FBXL2: variants seen among roughly 807,000 people sequenced by gnomAD.
FBXL2 encodes F-box/LRR-repeat protein 2.
FBXL2 carries 38 observed loss-of-function variants against 69.2 expected under a neutral mutation model. The ratio of observed to expected loss-of-function variants is 0.55; its 90% CI spans 0.42 to 0.72. FBXL2 has a LOEUF of 0.72. Ranked by LOEUF, FBXL2 falls within the 30% of genes least tolerant of loss-of-function variation. The pLI is 0.00. For missense variants in FBXL2, 354 were observed against 520.3 expected (o/e 0.68, Z 3.11); for synonymous variants, 192 against 201.3 (o/e 0.95, Z 0.39).
intron 1 of FBXL2, among the ~76,000 whole-genome samples, chr3:33,291,112 G>A (rs1017864661): frequency 1.3e-5 from 2 of 152,004 alleles, no homozygotes; most frequent in Non-Finnish European, 2.9e-5. Flanking sequence ...TAAATTTTCT[G>A]TAGAGACAGT....
At chr3:33,411,529 C>T in the FBXL2 span, 22 of 1,488,490 alleles carry the variant, frequency 1.5e-5, no homozygotes, top group Middle Eastern at 3.4e-4. Flanking sequence ...TCAATCCTAC[C>T]ATGACCTAAA....
intron 12 of FBXL2, chr3:33,396,280 C>T (rs761628063): frequency 6.4e-7 from 1 of 1,571,988 alleles, no homozygotes; most frequent in South Asian, 1.1e-5. Context: ...GTCTAACCGA[C>T]CTGCAATCAG....
At position 33,386,119 on chromosome 3, in the gene FBXL2, C is replaced by T. The variant is rs1293256250; in HGVS notation, c.*511C>T. On this transcript the variant is annotated 3_prime_UTR_variant, in exon 15 of 15. Coordinates refer to ENST00000484457, the MANE Select transcript of FBXL2 (RefSeq NM_012157.5). ...CTGTACTGCAAATTAATTCATAATG[C>T]CTGATAGTTTTATATATAGAGACTT... The T allele has an allele frequency of 6.0e-6, 1 of 167,070 alleles. No homozygotes were observed. The highest frequency in any genetic ancestry group is 1.3e-5 in the Non-Finnish European group (1 of 75,450). 10.3% of individuals were successfully genotyped at this position (167,070 alleles called of 1,614,324 possible). A position where few individuals can be genotyped will look rare whatever the true frequency, so the allele number is the denominator to read the frequency against.
At chr3:33,341,878 T>C (rs912271324) in intron 2 of FBXL2, among the ~76,000 whole-genome samples, 5 of 149,166 alleles carry the variant, frequency 3.4e-5, no homozygotes, top group Non-Finnish European at 7.4e-5. Context: ...GCTCTGGGGC[T>C]CTGGGGTTGC....
At chr3:33,405,553 T>C (rs2044396634), downstream of FBXL2, among the ~76,000 whole-genome samples, 1 of 152,186 alleles carries the variant, frequency 6.6e-6, no homozygotes. Context: ...AGGCCAGGTA[T>C]GGTGGCTCAT....
rs35825309 is a variant in FBXL2, at chr3:33,360,919, T to C, written c.195+1562T>C. ...CTTTTTTGGAAAGCACATGAAGAAC[T>C]TTTTTTTTTTTTTTTTTTTTTTTTT... is the stretch of plus-strand genomic sequence containing the variant. On this transcript the variant is annotated intron_variant, in intron 4 of 14. Coordinates refer to ENST00000484457, the MANE Select transcript of FBXL2 (RefSeq NM_012157.5). 1.1e-4 allele frequency among the ~76,000 whole-genome samples: 5 copies of C among 44,144 alleles called. No individual in the cohort carries two copies. The South Asian group carries it at 4.0e-3, about 35-fold the overall frequency. The allele number at this position is 44,144 out of a possible 152,430, so 29.0% of individuals were successfully genotyped here. A position where few individuals can be genotyped will look rare whatever the true frequency, so the allele number is the denominator to read the frequency against.
At chr3:33,323,957 C>T (rs1172585319) in intron 2 of FBXL2, among the ~76,000 whole-genome samples, 1 of 152,212 alleles carries the variant, frequency 6.6e-6, no homozygotes, top group South Asian at 2.1e-4. Context: ...TCCACATCCT[C>T]TCCAGCATCT....
the FBXL2 span, among the ~76,000 whole-genome samples, chr3:33,411,172 T>A: frequency 6.6e-6 from 1 of 152,124 alleles, no homozygotes; most frequent in South Asian, 2.1e-4. Flanking sequence ...CAATTAGTCA[T>A]CATTATTATC....
intron 2 of FBXL2, among the ~76,000 whole-genome samples, chr3:33,309,671 A>G (rs1200836918): frequency 6.6e-6 from 1 of 152,176 alleles, no homozygotes; most frequent in Admixed American, 6.5e-5. Flanking sequence ...TAGTTATTTC[A>G]TAGATCCTTC....
upstream of FBXL2, chr3:33,277,381 G>C: frequency 4.0e-6 from 4 of 1,005,738 alleles, no homozygotes; most frequent in Non-Finnish European, 5.1e-6. Flanking sequence ...TCACGTGCTC[G>C]CCGACCACCA....
At chr3:33,365,234 C>G (rs1017286482) in intron 5 of FBXL2, among the ~76,000 whole-genome samples, 2 of 151,728 alleles carry the variant, frequency 1.3e-5, no homozygotes, top group Admixed American at 6.6e-5. Context: ...ATATCCTATA[C>G]AACCAAATAT....
the FBXL2 span, chr3:33,409,466 G>T: frequency 6.2e-7 from 1 of 1,614,112 alleles, no homozygotes; most frequent in Non-Finnish European, 8.5e-7. Context: ...ACTTTGATTT[G>T]GCAGCTAGCT....
intron 2 of FBXL2, among the ~76,000 whole-genome samples, chr3:33,299,536 G>A (rs1190369126): frequency 1.3e-5 from 2 of 152,146 alleles, no homozygotes; most frequent in Non-Finnish European, 2.9e-5. Context: ...CTTTGTAGAT[G>A]CCACAGATTA....
intron 2 of FBXL2, among the ~76,000 whole-genome samples, chr3:33,356,322 C>T (rs1339949131): frequency 6.6e-6 from 1 of 152,048 alleles, no homozygotes; most frequent in African/African-American, 2.4e-5. Context: ...GAAGTGATCC[C>T]GAGAATAAAG....
chr3:33,390,291 G>A, downstream of FBXL2: 3 of 1,591,400 alleles, frequency 1.9e-6, no homozygotes, highest in Non-Finnish European at 2.6e-6. Flanking sequence ...TTTTAAGCGT[G>A]ACTATTTGGT....
chr3:33,407,178 C>T (rs757713998), downstream of FBXL2, among the ~76,000 whole-genome samples: 1 of 152,190 alleles, frequency 6.6e-6, no homozygotes, highest in Admixed American at 6.5e-5. Flanking sequence ...AAATCAAATA[C>T]AGCCAGGGCA....
intron 1 of FBXL2, among the ~76,000 whole-genome samples, chr3:33,285,800 C>G (rs1196975162): frequency 6.6e-6 from 1 of 152,202 alleles, no homozygotes; most frequent in Non-Finnish European, 1.5e-5. Context: ...TCTTCCATCA[C>G]TGATACCCTT....
chr3:33,333,219 A>C (rs1031072733), intron 2 of FBXL2, among the ~76,000 whole-genome samples: 1 of 152,228 alleles, frequency 6.6e-6, no homozygotes, highest in African/African-American at 2.4e-5. Flanking sequence ...AAAAAACAAA[A>C]TGTAACCATT....
rs190597845 is a variant in FBXL2, at chr3:33,402,782, G to A, written n.1215-452G>A. 2,958 of 1,507,520 alleles carry A rather than the reference G, an allele frequency of 2.0e-3. 13 individuals are homozygous for A. Among genetic ancestry groups the A allele is most frequent in the Non-Finnish European group, 1.7e-3 (1,872 of 1,126,028 alleles). The allele number at this position is 1,507,520 out of a possible 1,614,324, so 93.4% of individuals were successfully genotyped here. ...GAGCATTAGTTAGCTGCAGGCACAC[G>A]ATCACACAAACTAGATACCTGTCTG... On this transcript the variant is annotated intron_variant and non_coding_transcript_variant, in intron 12 of 12. Transcript: ENST00000463736.
Sources: allele counts gnomAD v4.1 joint callset (sites outside exome capture counted in the v4.1 genomes callset), GRCh38; gene constraint gnomAD v4.1.1; transcripts MANE v1.5; gene names NCBI Gene and HGNC (gene_info 2026-07-23, HGNC 2026-07-21).